INVS: variants seen among roughly 807,000 people sequenced by gnomAD.
INVS encodes the protein inversion of embryo turning homolog.
INVS carries 86 observed loss-of-function variants against 108.8 expected under a neutral mutation model. The ratio of observed to expected loss-of-function variants is 0.79; its 90% CI spans 0.66 to 0.95. INVS has a LOEUF of 0.95. INVS is among the 40% of genes least tolerant of loss of function. INVS has a pLI of 0.00. For missense variants in INVS, 1,169 were observed against 1,297.4 expected, an observed-to-expected ratio of 0.90 and a Z score of 1.52; for synonymous variants, 455 against 473.5, an observed-to-expected ratio of 0.96 and a Z score of 0.51.
At chr9:100,168,775 A>G (rs1467999161) in intron 3 of INVS, among the ~76,000 whole-genome samples, 3 of 152,252 alleles carry the variant, frequency 2.0e-5, no homozygotes, top group Non-Finnish European at 4.4e-5. Flanking sequence ...CAGCTAACAT[A>G]TGCTTCCTTT....
chr9:100,169,918 A>G (rs1829484467), intron 3 of INVS, among the ~76,000 whole-genome samples: 2 of 151,926 alleles, frequency 1.3e-5, no homozygotes, highest in South Asian at 4.2e-4. Flanking sequence ...GAACCTGGTT[A>G]TCTCATTGGG....
intron 3 of INVS, among the ~76,000 whole-genome samples, chr9:100,172,295 A>G (rs1385671073): frequency 3.3e-5 from 5 of 152,114 alleles, no homozygotes; most frequent in Admixed American, 6.6e-5. Context: ...AATCCTATCA[A>G]ATTTATCTTT....
chr9:100,175,283 C>G (rs771544017), intron 3 of INVS: 2 of 670,726 alleles, frequency 3.0e-6, no homozygotes, highest in Non-Finnish European at 5.5e-6. Flanking sequence ...AACAAACTAT[C>G]CATCCTTGCA....
At chr9:100,213,816 TAAG>T (rs1444185233) in intron 3 of INVS, among the ~76,000 whole-genome samples, 2 of 152,182 alleles carry the variant, frequency 1.3e-5, no homozygotes, top group Non-Finnish European at 2.9e-5. Flanking sequence ...AAGCACTTAG[TAAG>T]CCCAGAGGAA....
chr9:100,297,046 A>T lies in INVS; in HGVS notation c.2916A>T (p.Lys972Asn). 2 of 1,613,992 alleles carry T rather than the reference A, an allele frequency of 1.2e-6. No homozygotes were observed. The highest frequency in any genetic ancestry group is 1.1e-5 in the South Asian group (1 of 91,074). The change falls in exon 15 of 17, where the codon AAA becomes AAT. Residue 972 changes from lysine to asparagine, a missense_variant. Transcript: ENST00000262457. ...LQVWRKELEL[K>N]FPQTTAVSKA... is the part of the protein sequence containing the mutation. ...TTTGGAGGAAGGAACTGGAACTAAA[A>T]TTCCCCCAAACCACTGCAGTAAGCA...
rs528622871 is a variant in INVS at position 100,100,861 on chromosome 9, A to T, written c.-25+1445A>T. Among the ~76,000 whole-genome samples, 9 of 7,024 alleles carry T rather than the reference A, an allele frequency of 1.3e-3. 3 individuals are homozygous for T. The highest frequency in any genetic ancestry group is 6.8e-3 in the Admixed American group (2 of 296). The allele number at this position is 7,024 out of a possible 152,430, so 4.6% of individuals were successfully genotyped here. A position where few individuals can be genotyped will look rare whatever the true frequency, so the allele number is the denominator to read the frequency against. ...ATATATATATAATATATGTATATAT[A>T]ATATATATATTATATATGTATATAT... On this transcript the variant is annotated intron_variant, in intron 1 of 16. Coordinates refer to ENST00000262457, the MANE Select transcript of INVS (RefSeq NM_014425.5).
At chr9:100,256,753 T>C (rs191681614) in intron 10 of INVS, among the ~76,000 whole-genome samples, 27 of 152,358 alleles carry the variant, frequency 1.8e-4, no homozygotes, top group Non-Finnish European at 3.4e-4. Flanking sequence ...TCCTGAGTTC[T>C]AATTTGATTG....
At chr9:100,178,315 G>A (rs183274266) in intron 3 of INVS, among the ~76,000 whole-genome samples, 69 of 152,242 alleles carry the variant, frequency 4.5e-4, no homozygotes, top group African/African-American at 1.5e-3. Flanking sequence ...CAGAAGGTGG[G>A]CAATAATAAA....
At chr9:100,258,312 T>C (rs1433482116) in intron 10 of INVS, among the ~76,000 whole-genome samples, 1 of 152,192 alleles carries the variant, frequency 6.6e-6, no homozygotes, top group Non-Finnish European at 1.5e-5. Context: ...GTCTAATCTT[T>C]TTCCAAAGTT....
intron 2 of INVS, chr9:100,120,977 A>G (rs186906685): frequency 1.5e-4 from 23 of 152,320 alleles, no homozygotes; most frequent in African/African-American, 4.8e-4. Context: ...TCAAATTGCT[A>G]CAAGGTACCC....
At chr9:100,164,090 CA>C (rs972713885) in intron 3 of INVS, among the ~76,000 whole-genome samples, 24 of 152,170 alleles carry the variant, frequency 1.6e-4, no homozygotes, top group African/African-American at 5.8e-4. Context: ...GTTAGAAGTC[CA>C]ATTTTATTTT....
intron 3 of INVS, among the ~76,000 whole-genome samples, chr9:100,207,810 T>C (rs2118276435): frequency 6.6e-6 from 1 of 152,342 alleles, no homozygotes; most frequent in East Asian, 1.9e-4. Context: ...TTAATAGTTT[T>C]TCAAAATTTT....
At chr9:100,179,714 G>A (rs913298890) in intron 3 of INVS, among the ~76,000 whole-genome samples, 1 of 152,028 alleles carries the variant, frequency 6.6e-6, no homozygotes. Flanking sequence ...ACACCCCACT[G>A]TCAATATTAG....
rs1273204300 is a variant in INVS, at chr9:100,300,590, TCTC to T, written c.3117_3119del (p.Leu1040del). ...CAGTGAGCAACCTACAGTGTATACA[TCTC>T]CTTGAGAACAGTGGAAGATCAAAGA... On this transcript the variant is annotated inframe_deletion, in exon 17 of 17. Coordinates refer to ENST00000262457, the MANE Select transcript of INVS (RefSeq NM_014425.5). 6.2e-7 allele frequency: 1 copy of T among 1,612,792 alleles called. No homozygotes were observed. Among genetic ancestry groups the T allele is most frequent in the Middle Eastern group, 1.6e-4 (1 of 6,082 alleles).
intron 3 of INVS, among the ~76,000 whole-genome samples, chr9:100,220,128 CT>C (rs1491170487): frequency 2.0e-5 from 3 of 151,466 alleles, no homozygotes; most frequent in Admixed American, 6.6e-5. Flanking sequence ...TAGCTATGTG[CT>C]TTTTTTTTAA....
intron 3 of INVS, among the ~76,000 whole-genome samples, chr9:100,223,130 G>A (rs757585584): frequency 7.3e-5 from 11 of 150,758 alleles, no homozygotes; most frequent in Non-Finnish European, 1.2e-4. Flanking sequence ...GAGTCTCACT[G>A]TGTCACCCAG....
At chr9:100,225,250 G>T (rs1027779511) in intron 3 of INVS, among the ~76,000 whole-genome samples, 1 of 148,238 alleles carries the variant, frequency 6.7e-6, no homozygotes, top group Non-Finnish European at 1.5e-5. Flanking sequence ...GGGTTTCACC[G>T]TGCTGGCCAG....
chr9:100,256,747 G>A (rs1422559939), intron 10 of INVS, among the ~76,000 whole-genome samples: 1 of 152,160 alleles, frequency 6.6e-6, no homozygotes, highest in Non-Finnish European at 1.5e-5. Context: ...TCTTAATCCT[G>A]AGTTCTAATT....
chr9:100,116,786 C>T lies in INVS; in HGVS notation c.107-9597C>T, dbSNP rs922389667. 120 of 1,418,492 alleles carry T rather than the reference C, an allele frequency of 8.5e-5. 1 individual carries two copies. The highest frequency in any genetic ancestry group is 3.1e-4 in the South Asian group (20 of 63,578). The allele number at this position is 1,418,492 out of a possible 1,614,324, so 87.9% of individuals were successfully genotyped here. A position where few individuals can be genotyped will look rare whatever the true frequency, so the allele number is the denominator to read the frequency against. On this transcript the variant is annotated intron_variant, in intron 2 of 16. Coordinates refer to ENST00000262457, the MANE Select transcript of INVS (RefSeq NM_014425.5). ...TGTAGCCACAGCTGGAGCCTGAGTC[C>T]GCTGCACGGAGACTCTGGTGTGGGT...
Sources: allele counts gnomAD v4.1 joint callset (sites outside exome capture counted in the v4.1 genomes callset), GRCh38; gene constraint gnomAD v4.1.1; transcripts MANE v1.5; gene names NCBI Gene and HGNC (gene_info 2026-07-23, HGNC 2026-07-21).